Variants in SORCS2 observed in about 807,000 individuals in gnomAD.
The protein encoded by SORCS2 is VPS10 domain-containing receptor SorCS2.
In SORCS2, 100 loss-of-function variants were observed where a neutral mutation model predicts 141.6. The ratio of observed to expected loss-of-function variants is 0.71; its 90% CI spans 0.60 to 0.83. The LOEUF (loss-of-function observed/expected upper bound fraction) is 0.83. Ranked by LOEUF, SORCS2 falls within the 40% of genes least tolerant of loss-of-function variation. SORCS2 has a pLI of 0.00. For synonymous variants in SORCS2, 789 were observed against 676.9 expected (o/e 1.17, Z -2.57); for missense variants, 1,646 against 1,560.2 (o/e 1.05, Z -0.93).
chr4:7,462,196 C>T (rs1452366569), intron 2 of SORCS2, among the ~76,000 whole-genome samples: 1 of 152,190 alleles, frequency 6.6e-6, no homozygotes, highest in South Asian at 2.1e-4. Context: ...GTGCTGGGCG[C>T]CAGCTCTCCT....
chr4:7,293,261 G>A lies in SORCS2; in HGVS notation c.480+100135G>A, dbSNP rs539690936. ...GGAGCTTGCAGTGAGCCGAGATCGC[G>A]CCACTGCACTCTAGCCTGGGCGAAA... On this transcript the variant is annotated intron_variant, in intron 1 of 26. Coordinates refer to ENST00000507866, the MANE Select transcript of SORCS2 (RefSeq NM_020777.3). 1.5e-4 allele frequency among the ~76,000 whole-genome samples: 22 copies of A among 150,736 alleles called. No individual in the cohort carries two copies. The South Asian group carries it at 2.1e-3, about 14-fold the overall frequency.
intron 2 of SORCS2, among the ~76,000 whole-genome samples, chr4:7,436,943 G>A (rs1000308689): frequency 1.3e-5 from 2 of 152,160 alleles, no homozygotes; most frequent in Admixed American, 1.3e-4. Context: ...TTTCCAAAGT[G>A]GTTGTGCCCG....
At chr4:7,199,453 G>A (rs1727365028) in intron 1 of SORCS2, among the ~76,000 whole-genome samples, 1 of 152,168 alleles carries the variant, frequency 6.6e-6, no homozygotes, top group African/African-American at 2.4e-5. Flanking sequence ...GATCTCTGAG[G>A]TGTAGAGGGC....
At chr4:7,198,588 G>A (rs2108854561) in intron 1 of SORCS2, among the ~76,000 whole-genome samples, 1 of 152,316 alleles carries the variant, frequency 6.6e-6, no homozygotes, top group Admixed American at 6.5e-5. Context: ...TCCGTCCAGA[G>A]GAAGTGCATC....
intron 2 of SORCS2, among the ~76,000 whole-genome samples, chr4:7,458,136 C>T (rs908927985): frequency 1.3e-5 from 2 of 152,020 alleles, no homozygotes; most frequent in Non-Finnish European, 2.9e-5. Flanking sequence ...AAGGGTCTTC[C>T]GGAAAGAGGG....
intron 18 of SORCS2, among the ~76,000 whole-genome samples, chr4:7,721,815 G>A (rs996255557): frequency 3.9e-5 from 6 of 152,186 alleles, no homozygotes; most frequent in Non-Finnish European, 8.8e-5. Context: ...GGAGAGCCGG[G>A]TACGGGGCAC....
intron 1 of SORCS2, among the ~76,000 whole-genome samples, chr4:7,378,606 G>T (rs928987789): frequency 1.3e-5 from 2 of 152,156 alleles, no homozygotes; most frequent in Admixed American, 1.3e-4. Context: ...ATCTCCACCT[G>T]GTCCCGCCCT....
chr4:7,319,372 C>A (rs928617824), intron 1 of SORCS2, among the ~76,000 whole-genome samples: 1 of 151,962 alleles, frequency 6.6e-6, no homozygotes, highest in South Asian at 2.1e-4. Flanking sequence ...TTGGACCCTC[C>A]GACTTGTCTC....
intron 1 of SORCS2, among the ~76,000 whole-genome samples, chr4:7,386,473 A>G (rs1723331622): frequency 1.1e-5 from 1 of 89,912 alleles, no homozygotes; most frequent in Admixed American, 9.8e-5. Flanking sequence ...ACACATGCAC[A>G]CACATACACA....
chr4:7,488,710 C>T lies in SORCS2; in HGVS notation c.549-42820C>T, dbSNP rs112858905. ...ATGAGTGTCTCAGCCAAGACGGGCA[C>T]GTGTCCGTCACTGGCCATGGCAGAC... On this transcript the variant is annotated intron_variant, in intron 2 of 26. Coordinates refer to ENST00000507866, the MANE Select transcript of SORCS2 (RefSeq NM_020777.3). Among the ~76,000 whole-genome samples the T allele has an allele frequency of 1.0e-3, 158 of 152,342 alleles. 1 individual carries two copies. The highest frequency in any genetic ancestry group is 6.8e-3 in the Middle Eastern group (2 of 294).
chr4:7,576,242 C>T (rs925356850), intron 3 of SORCS2, among the ~76,000 whole-genome samples: 5 of 152,188 alleles, frequency 3.3e-5, no homozygotes, highest in African/African-American at 4.8e-5. Context: ...TTCCTGGCCC[C>T]GGGAGTCATC....
intron 2 of SORCS2, among the ~76,000 whole-genome samples, chr4:7,514,643 G>A (rs1015118305): frequency 2.6e-5 from 4 of 152,082 alleles, no homozygotes; most frequent in East Asian, 1.9e-4. Context: ...GACCCTGTGT[G>A]GAGGTCACGT....
intron 3 of SORCS2, among the ~76,000 whole-genome samples, chr4:7,627,825 C>A (rs187798248): frequency 8.9e-4 from 135 of 152,332 alleles, no homozygotes; most frequent in African/African-American, 2.9e-3. Context: ...GGTTAGAAAC[C>A]ACTTTCGGTA....
At chr4:7,297,960 C>T (rs183508299) in intron 1 of SORCS2, among the ~76,000 whole-genome samples, 1 of 152,352 alleles carries the variant, frequency 6.6e-6, no homozygotes, top group East Asian at 1.9e-4. Context: ...ATCCGCCTTG[C>T]AGGCCACATC....
chr4:7,580,151 C>G (rs1716047282), intron 3 of SORCS2, among the ~76,000 whole-genome samples: 1 of 152,196 alleles, frequency 6.6e-6, no homozygotes, highest in Admixed American at 6.5e-5. Flanking sequence ...ATTTTCTACA[C>G]AAATAGATAA....
intron 1 of SORCS2, among the ~76,000 whole-genome samples, chr4:7,338,486 C>T (rs79174126): frequency 0.024 from 3,598 of 152,094 alleles, 84 homozygotes; most frequent in Non-Finnish European, 0.035. Flanking sequence ...CGAACAGAGC[C>T]CATAGATGAA....
chr4:7,526,299 C>A (rs1038450276), intron 2 of SORCS2, among the ~76,000 whole-genome samples: 3 of 152,220 alleles, frequency 2.0e-5, no homozygotes, highest in East Asian at 3.8e-4. Context: ...AGAATCGGAG[C>A]CATTGGGGTC....
chr4:7,323,449 C>A (rs1719033258), intron 1 of SORCS2, among the ~76,000 whole-genome samples: 1 of 152,114 alleles, frequency 6.6e-6, no homozygotes, highest in Non-Finnish European at 1.5e-5. Context: ...GCCTAAGGAA[C>A]CAAGAGGTAG....
intron 1 of SORCS2, among the ~76,000 whole-genome samples, chr4:7,332,936 G>A (rs1170207616): frequency 6.6e-6 from 1 of 151,646 alleles, no homozygotes; most frequent in Non-Finnish European, 1.5e-5. Flanking sequence ...TTCCACATCA[G>A]CAAAACAGGG....
Sources: gnomAD v4.1 joint callset for allele counts (sites outside exome capture counted in the v4.1 genomes callset) on GRCh38, gnomAD v4.1.1 for gene constraint, MANE v1.5 for transcripts, NCBI Gene and HGNC (gene_info 2026-07-23, HGNC 2026-07-21) for gene names.